Variants in SLC31A1 observed in about 807,000 individuals in gnomAD.
The protein encoded by SLC31A1 is high affinity copper uptake protein 1.
A neutral mutation model predicts 17.2 loss-of-function variants in SLC31A1; 5 were observed. The ratio of observed to expected loss-of-function variants is 0.29; its 90% CI spans 0.15 to 0.61. The LOEUF (loss-of-function observed/expected upper bound fraction) is 0.61. Among genes scored for constraint, SLC31A1 ranks in the 20% least tolerant of loss-of-function variants. The pLI is 0.86. For missense variants in SLC31A1, 161 were observed against 241.4 expected (o/e 0.67, Z 2.21); for synonymous variants, 76 against 78.8 (o/e 0.96, Z 0.19).
chr9:113,236,241 G>C (rs985866908), intron 1 of SLC31A1, among the ~76,000 whole-genome samples: 1 of 152,176 alleles, frequency 6.6e-6, no homozygotes, highest in Non-Finnish European at 1.5e-5. Flanking sequence ...GCCCGTCTTG[G>C]CCTCCCAAAG....
chr9:113,224,127 AT>A (rs1324055200), intron 1 of SLC31A1, among the ~76,000 whole-genome samples: 1 of 152,048 alleles, frequency 6.6e-6, no homozygotes, highest in Non-Finnish European at 1.5e-5. Flanking sequence ...AGCCTTTCTC[AT>A]TTGTTTATGT....
At chr9:113,223,373 C>T (rs1831307849) in intron 1 of SLC31A1, 1 of 355,848 alleles carries the variant, frequency 2.8e-6, no homozygotes, top group African/African-American at 2.2e-5. Flanking sequence ...ATTCGTGTAT[C>T]TTCAGATTGG....
chr9:113,239,705 T>C (rs546010110), intron 1 of SLC31A1, among the ~76,000 whole-genome samples: 2 of 152,308 alleles, frequency 1.3e-5, no homozygotes, highest in African/African-American at 2.4e-5. Flanking sequence ...TGCCTCAGCC[T>C]CCCGAGTAGC....
In SLC31A1 at chr9:113,261,647, T is replaced by G. The variant is rs1831795065; in HGVS notation, c.*1174T>G. 6.6e-6 allele frequency: 1 copy of G among 152,526 alleles called. No homozygotes were observed. The highest frequency in any genetic ancestry group is 2.4e-5 in the African/African-American group (1 of 41,468). 9.4% of individuals were successfully genotyped at this position (152,526 alleles called of 1,614,324 possible). A position where few individuals can be genotyped will look rare whatever the true frequency, so the allele number is the denominator to read the frequency against. The stretch of plus-strand genomic sequence containing the variant: ...GTTTTCGCATGTCTGCCTCTAAAAC[T>G]GTGATTTTCAAGCTTTAGCGTGCAT... On this transcript the variant is annotated 3_prime_UTR_variant, in exon 5 of 5. Transcript: ENST00000374212.
At position 113,235,029 on chromosome 9, in the gene SLC31A1, G is replaced by A. The variant is rs1322106053; in HGVS notation, c.-36+13351G>A. On this transcript the variant is annotated intron_variant, in intron 1 of 4. Transcript: ENST00000374212. ...AAAAACTTCTGTTCGTTCATCTAAA[G>A]ACACAATAAAAGAAATGAAAAGGGA... Among the ~76,000 whole-genome samples, 5 of 152,204 alleles carry A rather than the reference G, an allele frequency of 3.3e-5. No individual in the cohort carries two copies. The South Asian group carries it at 6.2e-4, about 19-fold the overall frequency.
chr9:113,258,862 G>A lies in SLC31A1; in HGVS notation c.371G>A (p.Gly124Glu). The A allele has an allele frequency of 1.9e-6, 3 of 1,614,090 alleles. No individual in the cohort carries two copies. The highest frequency in any genetic ancestry group is 3.3e-4 in the Middle Eastern group (2 of 6,058). ...TILMETHKTV[G>E]QQMLSFPHLL... ...CTTATGGAGACACACAAAACTGTTGGGTAAGAACTGAACAGATCCAGATGA... is the reference window on the plus strand; with the variant it reads ...CTTATGGAGACACACAAAACTGTTGAGTAAGAACTGAACAGATCCAGATGA... The change falls in exon 4 of 5, where the codon GGG (glycine) becomes GAG (glutamate). Residue 124 changes from glycine to glutamate, a missense_variant and splice_region_variant. Physicochemically the swap from Gly to Glu is moderately conservative, Grantham distance 98. Coordinates refer to ENST00000374212, the MANE Select transcript of SLC31A1 (RefSeq NM_001859.4). The surrounding 1 kb of genome is among the most constrained non-coding windows in gnomAD (Gnocchi z 4.8).
In SLC31A1 at chr9:113,240,316, C is replaced by T. The variant is rs185957411; in HGVS notation, c.-35-15798C>T. ...ACTCCTTATAGGTAGATATTGAAAC[C>T]TACATGGATTTTGTAAGAATTAATA... On this transcript the variant is annotated intron_variant, in intron 1 of 4. Transcript: ENST00000374212. 5.8e-4 allele frequency among the ~76,000 whole-genome samples: 88 copies of T among 152,244 alleles called. 1 individual carries two copies. Among genetic ancestry groups the T allele is most frequent in the African/African-American group, 2.0e-3 (84 of 41,534 alleles).
chr9:113,221,724 C>T (rs1011040766), intron 1 of SLC31A1, 46 bp downstream of exon 1: 13 of 234,774 alleles, frequency 5.5e-5, no homozygotes, highest in Non-Finnish European at 9.6e-5. Context: ...TGCATGGGTA[C>T]CGTCCTTTTC....
At chr9:113,253,743 G>A (rs775389707) in intron 1 of SLC31A1, among the ~76,000 whole-genome samples, 1 of 151,392 alleles carries the variant, frequency 6.6e-6, no homozygotes, top group Non-Finnish European at 1.5e-5. Flanking sequence ...TAGTAAAGAC[G>A]GGGTTTCACT....
intron 1 of SLC31A1, among the ~76,000 whole-genome samples, chr9:113,227,881 C>G (rs768320648): frequency 3.3e-5 from 5 of 152,158 alleles, no homozygotes; most frequent in Admixed American, 6.5e-5. Flanking sequence ...TTGTTTAAAT[C>G]AAACTGTGAA....
chr9:113,231,096 C>G (rs1025805907), intron 1 of SLC31A1, among the ~76,000 whole-genome samples: 13 of 152,160 alleles, frequency 8.5e-5, no homozygotes, highest in Non-Finnish European at 1.8e-4. Flanking sequence ...TTCCTTTTCC[C>G]TGCTCAGCCT....
chr9:113,243,612 A>G (rs1170930949), intron 1 of SLC31A1, among the ~76,000 whole-genome samples: 1 of 151,760 alleles, frequency 6.6e-6, no homozygotes, highest in Admixed American at 6.6e-5. Flanking sequence ...GGGTCTCACT[A>G]TGTTGCCCAG....
At chr9:113,249,298 C>CAA (rs56013452) in intron 1 of SLC31A1, among the ~76,000 whole-genome samples, 36 of 118,042 alleles carry the variant, frequency 3.0e-4, no homozygotes, top group Non-Finnish European at 6.0e-4. Flanking sequence ...CCTCAATTGG[C>CAA]AAAAAAAAAA....
intron 4 of SLC31A1, among the ~76,000 whole-genome samples, chr9:113,259,435 T>C (rs1831764672): frequency 6.6e-6 from 1 of 152,152 alleles, no homozygotes; most frequent in Admixed American, 6.6e-5. Flanking sequence ...TGTTATTTAT[T>C]GTACTGATGA....
At chr9:113,251,412 ACT>A (rs1302335061) in intron 1 of SLC31A1, among the ~76,000 whole-genome samples, 3 of 151,882 alleles carry the variant, frequency 2.0e-5, no homozygotes, top group South Asian at 2.1e-4. Context: ...ACAGAGTGAG[ACT>A]CTATCTAAAA....
In SLC31A1 at chr9:113,262,630, G is replaced by A. The variant is rs1175714200; in HGVS notation, c.*2157G>A. On this transcript the variant is annotated 3_prime_UTR_variant, in exon 5 of 5. Coordinates refer to ENST00000374212, the MANE Select transcript of SLC31A1 (RefSeq NM_001859.4). ...TAAAATCCAAGAACCAACATTTAGA[G>A]CTTTGTGCTTTTCTCTCATTCCATC... 6.6e-6 allele frequency: 1 copy of A among 152,600 alleles called. No individual in the cohort carries two copies. Among genetic ancestry groups the A allele is most frequent in the Non-Finnish European group, 1.5e-5 (1 of 68,048 alleles). The allele number at this position is 152,600 out of a possible 1,614,324, so 9.5% of individuals were successfully genotyped here.
In SLC31A1 at chr9:113,256,131, C is replaced by T. The variant is rs1397049251; in HGVS notation, c.-18C>T. The T allele has an allele frequency of 3.1e-6, 5 of 1,611,354 alleles. No individual in the cohort carries two copies. Among genetic ancestry groups the T allele is most frequent in the African/African-American group, 2.7e-5 (2 of 74,832 alleles). On this transcript the variant is annotated 5_prime_UTR_variant, in exon 2 of 5. Coordinates refer to ENST00000374212, the MANE Select transcript of SLC31A1 (RefSeq NM_001859.4). ...CTTAAAAGAATCTTCTGCTGACTCT[C>T]AACTTTTCCTGGAAAAAATGGATCA...
chr9:113,257,289 A>G, intron 3 of SLC31A1, 104 bp downstream of exon 3: 3 of 978,092 alleles, frequency 3.1e-6, no homozygotes, highest in East Asian at 2.4e-5. Flanking sequence ...TACTAAGTCA[A>G]CATGGTAATG....
intron 1 of SLC31A1, among the ~76,000 whole-genome samples, chr9:113,226,135 CAAAA>C (rs34302331): frequency 2.5e-5 from 3 of 120,000 alleles, no homozygotes; most frequent in Non-Finnish European, 1.8e-5. Context: ...GACTCCATCT[CAAAA>C]AAAAAAAAAA....
Sources: gnomAD v4.1 joint callset for allele counts (sites outside exome capture counted in the v4.1 genomes callset) on GRCh38, gnomAD v4.1.1 for gene constraint, Gnocchi (gnomAD v3.1) non-coding constraint, MANE v1.5 for transcripts, NCBI Gene and HGNC (gene_info 2026-07-23, HGNC 2026-07-21) for gene names.